The following SCYL1 variants were observed in gnomAD, a reference collection of about 807,000 sequenced individuals.
SCYL1 encodes the protein SCY1 like pseudokinase 1, also known as N-terminal kinase-like protein.
Under a neutral mutation model 94.8 loss-of-function variants are expected in SCYL1, and 85 were observed. That is an observed-to-expected ratio of 0.90 (90% CI 0.75 to 1.07). The LOEUF is 1.07. Among genes scored for constraint, SCYL1 ranks in the 50% least tolerant of loss-of-function variants. The probability of loss-of-function intolerance (pLI) is 0.00; values close to 1 mark genes in which losing one functional copy is unlikely to be tolerated. For synonymous variants in SCYL1, 459 were observed against 435.5 expected, an observed-to-expected ratio of 1.05 and a Z score of -0.67; for missense variants, 968 against 1,083.3, an observed-to-expected ratio of 0.89 and a Z score of 1.49.
In SCYL1 at chr11:65,527,080, G is replaced by C. The variant is rs201160219; in HGVS notation, c.812G>C (p.Arg271Pro). The change falls in exon 6 of 18, where the codon CGC becomes CCC. Residue 271 changes from arginine to proline, a missense_variant. Coordinates refer to ENST00000270176, the MANE Select transcript of SCYL1 (RefSeq NM_020680.4). ...GCACCTGGTGGCTTCATGAGCAACC[G>C]CTTTGTAGAAACCAACCTCTTCCTG... ...CRAPGGFMSN[R>P]FVETNLFLEE... 6.2e-7 allele frequency: 1 copy of C among 1,613,584 alleles called. No individual in the cohort carries two copies. Among genetic ancestry groups the C allele is most frequent in the Non-Finnish European group, 8.5e-7 (1 of 1,179,988 alleles).
At chr11:65,536,182 G>A (rs774664238) in intron 11 of SCYL1, 41 bp downstream of exon 11, 2 of 1,606,356 alleles carry the variant, frequency 1.2e-6, no homozygotes, top group Middle Eastern at 1.7e-4. Context: ...TGGGGCTGTA[G>A]GGGATGTCAG....
At chr11:65,525,472 G>A in intron 1 of SCYL1, 102 bp from the exon 2 acceptor site, 2 of 1,408,954 alleles carry the variant, frequency 1.4e-6, no homozygotes, top group Non-Finnish European at 1.9e-6. Flanking sequence ...GCCCGGCGAA[G>A]TGTCCCTAAG....
Position 65,526,266 on chromosome 11 carries a change from C to T in SCYL1, c.518C>T (p.Pro173Leu). The change falls in exon 4 of 18, where the codon CCT becomes CTT. Residue 173 changes from proline (P) to leucine (L), a missense_variant. Pro to Leu is a moderately conservative substitution (Grantham distance 98, BLOSUM62 -3). Around this residue, in one of 2 missense-constraint regions of SCYL1, gnomAD observed 494 missense variants for 619.7 expected, o/e 0.80. Coordinates refer to ENST00000270176, the MANE Select transcript of SCYL1 (RefSeq NM_020680.4). The surrounding 1 kb of genome is among the most constrained non-coding windows in gnomAD (Gnocchi z 4.1). ...TCGGCCCAGGGCAACGGTGGGGGACCTCCCCGCAAGGGGATCCCCGAGCTT... is the reference window on the plus strand; with the variant it reads ...TCGGCCCAGGGCAACGGTGGGGGACTTCCCCGCAAGGGGATCCCCGAGCTT... The part of the protein sequence containing the change: ...MYSAQGNGGG[P>L]PRKGIPELEQ... 6.2e-7 allele frequency: 1 copy of T among 1,613,022 alleles called. No homozygotes were observed. The highest frequency in any genetic ancestry group is 8.5e-7 in the Non-Finnish European group (1 of 1,179,848).
At position 65,537,858 on chromosome 11, in the gene SCYL1, G is replaced by C. The variant is rs1197315402; in HGVS notation, c.2009G>C (p.Gly670Ala). ...CAGCAGGACGACTGGAGCACCGGGG[G>C]CCAAGTGAGCCGTGCTAGTCAGGTG... ...LAQQDDWSTG[G>A]QVSRASQVSN... The change falls in exon 15 of 18, where the codon GGC (glycine) becomes GCC (alanine). Residue 670 changes from glycine (G) to alanine (A), a missense_variant. By Grantham distance (60) the Gly-to-Ala change is moderately conservative (BLOSUM62 0). Coordinates refer to ENST00000270176, the MANE Select transcript of SCYL1 (RefSeq NM_020680.4). 6.3e-7 allele frequency: 1 copy of C among 1,575,816 alleles called. No individual in the cohort carries two copies. The highest frequency in any genetic ancestry group is 8.6e-7 in the Non-Finnish European group (1 of 1,160,454).
chr11:65,526,079 G>A lies in SCYL1; in HGVS notation c.375+36G>A, dbSNP rs374423071. On this transcript the variant is annotated intron_variant, in intron 3 of 17. Coordinates refer to ENST00000270176, the MANE Select transcript of SCYL1 (RefSeq NM_020680.4). This position sits in a 1 kb window ranked among gnomAD's most constrained non-coding sequence, Gnocchi z 4.1. ...GGGCAGTGGTGATGAGAGCAGGGAT[G>A]GGGGGTTGCAGGTGCTGGGGCGTGA... is the stretch of plus-strand genomic sequence containing the variant. 6.2e-7 allele frequency: 1 copy of A among 1,611,472 alleles called. No homozygotes were observed. The highest frequency in any genetic ancestry group is 8.5e-7 in the Non-Finnish European group (1 of 1,178,886).
In SCYL1 at chr11:65,525,111, A is replaced by T. The variant is rs1855005330; in HGVS notation, c.-43A>T. 8.0e-7 allele frequency: 1 copy of T among 1,246,696 alleles called. No individual in the cohort carries two copies. Among genetic ancestry groups the T allele is most frequent in the Non-Finnish European group, 1.0e-6 (1 of 975,346 alleles). 77.2% of individuals were successfully genotyped at this position (1,246,696 alleles called of 1,614,324 possible). A position where few individuals can be genotyped will look rare whatever the true frequency, so the allele number is the denominator to read the frequency against. On this transcript the variant is annotated 5_prime_UTR_variant, in exon 1 of 18. Transcript: ENST00000270176. ...CCGCCCCGGCTCGGGCGGCCGGAGG[A>T]CCCGGAGCTAAGGCGCCCGAACCCG...
Position 65,537,869 on chromosome 11 carries a change from C to A in SCYL1, c.2020C>A (p.Arg674Ser). The A allele has an allele frequency of 6.3e-7, 1 of 1,577,276 alleles. No homozygotes were observed. Among genetic ancestry groups the A allele is most frequent in the East Asian group, 2.3e-5 (1 of 43,298 alleles). ...DDWSTGGQVS[R>S]ASQVSNSDHK... ...CTGGAGCACCGGGGGCCAAGTGAGC[C>A]GTGCTAGTCAGGTGAGCTGGGTCTG... Residue 674 changes from arginine (R) to serine (S), a missense_variant, in exon 15 of 18, where the codon CGT becomes AGT. Arg to Ser is a moderately radical substitution (Grantham distance 110). Transcript: ENST00000270176.
In SCYL1 at chr11:65,530,686, G is replaced by T; in HGVS notation, c.907G>T (p.Ala303Ser). 2 of 1,614,068 alleles carry T rather than the reference G, an allele frequency of 1.2e-6. No homozygotes were observed. Among genetic ancestry groups the T allele is most frequent in the Non-Finnish European group, 1.7e-6 (2 of 1,180,018 alleles). ...FFQELSKSLD[A>S]FPEDFCRHKV... is the part of the protein sequence containing the mutation. The stretch of plus-strand genomic sequence containing the variant: ...CCAGGAGCTGAGCAAGAGCCTGGAC[G>T]CATTCCCTGAGGATTTCTGTCGGCA... Residue 303 changes from alanine to serine, a missense_variant, in exon 7 of 18, where the codon GCA becomes TCA. This residue lies in a region of SCYL1 where 494 missense variants were observed against 619.7 expected (regional missense o/e 0.80). Coordinates refer to ENST00000270176, the MANE Select transcript of SCYL1 (RefSeq NM_020680.4).
Position 65,536,128 on chromosome 11 carries a change from C to A in SCYL1, c.1562C>A (p.Ser521Tyr). 6.2e-7 allele frequency: 1 copy of A among 1,613,392 alleles called. No homozygotes were observed. Among genetic ancestry groups the A allele is most frequent in the Non-Finnish European group, 8.5e-7 (1 of 1,179,560 alleles). The change falls in exon 11 of 18, where the codon TCC becomes TAC. Residue 521 changes from serine (S) to tyrosine (Y), a missense_variant. Physicochemically the swap from Ser to Tyr is moderately radical, Grantham distance 144. Transcript: ENST00000270176. ...LCGLTVDPEK[S>Y]VRDQAFKAIR... ...GGTCTCACTGTAGATCCTGAGAAAT[C>A]CGTGCGAGACCAGGTGAGGCACAGC...
At chr11:65,527,247 C>A in intron 6 of SCYL1, 130 bp downstream of exon 6, 1 of 967,768 alleles carries the variant, frequency 1.0e-6, no homozygotes, top group Non-Finnish European at 1.6e-6. Flanking sequence ...AATCCGGGTT[C>A]AAACCCAGGC....
chr11:65,531,737 G>C, intron 8 of SCYL1, 54 bp downstream of exon 8: 2 of 1,355,878 alleles, frequency 1.5e-6, no homozygotes, highest in Non-Finnish European at 2.1e-6. Context: ...CAACCTGGTG[G>C]CTGGGGAGGC....
chr11:65,525,133 C>A lies in SCYL1; in HGVS notation c.-21C>A, dbSNP rs547049195. ...AGGACCCGGAGCTAAGGCGCCCGAA[C>A]CCGCGGCGGCGGTGGGGACGATGTG... is the stretch of plus-strand genomic sequence containing the variant. On this transcript the variant is annotated 5_prime_UTR_variant, in exon 1 of 18. Transcript: ENST00000270176. 5.3e-4 allele frequency: 693 copies of A among 1,310,276 alleles called. 2 individuals are homozygous for A. Among genetic ancestry groups the A allele is most frequent in the Middle Eastern group, 4.8e-3 (20 of 4,190 alleles). 81.2% of individuals were successfully genotyped at this position (1,310,276 alleles called of 1,614,324 possible).
intron 10 of SCYL1, 142 bp from the exon 11 acceptor site, chr11:65,535,811 C>A: frequency 1.2e-6 from 1 of 830,540 alleles, no homozygotes; most frequent in Non-Finnish European, 1.8e-6. Context: ...TTTAGGTCAA[C>A]TCTCCCCATT....
intron 6 of SCYL1, among the ~76,000 whole-genome samples, 183 bp downstream of exon 6, chr11:65,527,300 A>T (rs926014433): frequency 7.9e-5 from 12 of 152,198 alleles, no homozygotes. Flanking sequence ...GCTGAAGTTC[A>T]GTCCCAATAA....
chr11:65,527,486 C>T (rs934657794), intron 6 of SCYL1, among the ~76,000 whole-genome samples: 21 of 152,186 alleles, frequency 1.4e-4, no homozygotes, highest in Admixed American at 7.2e-4. Flanking sequence ...TGCCTGTAAT[C>T]CCAGCACTTT....
At position 65,532,781 on chromosome 11, in the gene SCYL1, T is replaced by C. The variant is rs113328894; in HGVS notation, c.1206T>C (p.Pro402=). 1 of 1,613,980 alleles carries C rather than the reference T, an allele frequency of 6.2e-7. No homozygotes were observed. Among genetic ancestry groups the C allele is most frequent in the Non-Finnish European group, 8.5e-7 (1 of 1,179,892 alleles). The change falls in exon 9 of 18, where the codon CCT becomes CCC. Residue 402 remains proline, a synonymous_variant. Transcript: ENST00000270176. The part of the protein sequence containing the change: ...HVVHGFLDTN[P]AIREQTVKSM... ...TACATGGCTTCCTGGACACCAACCCTGCCATCCGGGAGCAGACGGTCAAGG... is the reference window on the plus strand; with the variant it reads ...TACATGGCTTCCTGGACACCAACCCCGCCATCCGGGAGCAGACGGTCAAGG...
chr11:65,530,192 C>T (rs932813832), intron 6 of SCYL1, among the ~76,000 whole-genome samples: 2 of 152,122 alleles, frequency 1.3e-5, no homozygotes, highest in Non-Finnish European at 2.9e-5. Context: ...CAAGTAAGCC[C>T]CTTCACCTCT....
chr11:65,538,224 C>G (rs1257794082), intron 16 of SCYL1, 42 bp downstream of exon 16: 1 of 1,556,778 alleles, frequency 6.4e-7, no homozygotes, highest in Non-Finnish European at 8.7e-7. Flanking sequence ...GATGGTGGAC[C>G]TCAGCCAGAA....
intron 8 of SCYL1, 59 bp downstream of exon 8, chr11:65,531,742 G>A (rs1164387955): frequency 3.9e-6 from 5 of 1,287,150 alleles, no homozygotes; most frequent in South Asian, 1.2e-5. Flanking sequence ...TGGTGGCTGG[G>A]GAGGCACCTG....
Sources: allele counts gnomAD v4.1 joint callset (sites outside exome capture counted in the v4.1 genomes callset), GRCh38; gene constraint gnomAD v4.1.1; regional missense constraint gnomAD v4.1.1; non-coding constraint Gnocchi (gnomAD v3.1); transcripts MANE v1.5; gene names NCBI Gene and HGNC (gene_info 2026-07-23, HGNC 2026-07-21).